Variants in CPE observed in about 807,000 individuals in gnomAD.
CPE encodes the protein carbocypeptidase E.
In CPE, 17 loss-of-function variants were observed where a neutral mutation model predicts 53.5. That is an observed-to-expected ratio of 0.32 (90% CI 0.22 to 0.48). CPE has a LOEUF of 0.48. Ranked by LOEUF, CPE falls within the 20% of genes least tolerant of loss-of-function variation. The probability of loss-of-function intolerance (pLI) is 0.99; values close to 1 mark genes in which losing one functional copy is unlikely to be tolerated. For synonymous variants in CPE, 226 were observed against 228.8 expected (o/e 0.99, Z 0.11); for missense variants, 524 against 614.7 (o/e 0.85, Z 1.56).
Position 165,379,410 on chromosome 4 carries a change from C to A in CPE, c.189C>A (p.Leu63=). 1 of 1,610,316 alleles carries A rather than the reference C, an allele frequency of 6.2e-7. No homozygotes were observed. The highest frequency in any genetic ancestry group is 8.5e-7 in the Non-Finnish European group (1 of 1,179,040). The change falls in exon 1 of 9, where the codon CTC becomes CTA. Residue 63 remains leucine (L), a synonymous_variant. Coordinates refer to ENST00000402744, the MANE Select transcript of CPE (RefSeq NM_001873.4). The surrounding 1 kb of genome is among the most constrained non-coding windows in gnomAD (Gnocchi z 6.0). Reference sequence around the variant, plus strand: ...GCTACCCCGAGCTGCGCGAGGCGCTCGTGTCCGTGTGGCTGCAGTGCACCG... The same window carrying A: ...GCTACCCCGAGCTGCGCGAGGCGCTAGTGTCCGTGTGGCTGCAGTGCACCG... The part of the protein sequence containing the change: ...YHRYPELREA[L]VSVWLQCTAI...
In CPE at chr4:165,408,338, G is replaced by A. The variant is rs150411595; in HGVS notation, c.307+28810G>A. On this transcript the variant is annotated intron_variant, in intron 1 of 8. Transcript: ENST00000402744. ...TCCATTTTGAGTTAACTTTTTTATC[G>A]GATAAGTAGAGGGTCCACTTTCCTT... Among the ~76,000 whole-genome samples the A allele has an allele frequency of 2.2e-3, 342 of 152,014 alleles. 2 individuals carry two copies. The highest frequency in any genetic ancestry group is 7.9e-3 in the African/African-American group (329 of 41,448).
At chr4:165,395,490 AT>A (rs1356267630) in intron 1 of CPE, among the ~76,000 whole-genome samples, 2 of 152,186 alleles carry the variant, frequency 1.3e-5, no homozygotes, top group Admixed American at 6.5e-5. Context: ...CGGCAGTTTT[AT>A]TAGCAGCCAT....
intron 1 of CPE, among the ~76,000 whole-genome samples, chr4:165,435,461 GTTA>G (rs1468460647): frequency 1.3e-5 from 2 of 152,082 alleles, no homozygotes; most frequent in African/African-American, 2.4e-5. Context: ...CATGTTATGG[GTTA>G]TTATATCATA....
intron 1 of CPE, among the ~76,000 whole-genome samples, chr4:165,414,884 A>G (rs1007173639): frequency 2.0e-5 from 3 of 152,058 alleles, no homozygotes; most frequent in Admixed American, 2.0e-4. Flanking sequence ...TTTGAAGTGA[A>G]CTTTAGTGAC....
chr4:165,454,113 A>G (rs1032309285), intron 1 of CPE, among the ~76,000 whole-genome samples: 2 of 152,190 alleles, frequency 1.3e-5, no homozygotes, highest in African/African-American at 4.8e-5. Context: ...AACTTGGCTC[A>G]CAAATTTCCT....
intron 1 of CPE, among the ~76,000 whole-genome samples, chr4:165,414,351 T>C (rs573560956): frequency 6.6e-6 from 1 of 152,322 alleles, no homozygotes; most frequent in South Asian, 2.1e-4. Context: ...AATAATCTTA[T>C]GATAAATAGG....
At chr4:165,473,954 G>A (rs894072771) in intron 3 of CPE, among the ~76,000 whole-genome samples, 4 of 152,234 alleles carry the variant, frequency 2.6e-5, no homozygotes, top group African/African-American at 9.6e-5. Context: ...GAGCCCTTTG[G>A]CCCTCAGGGC....
intron 1 of CPE, chr4:165,381,528 A>G (rs982294264): frequency 3.2e-6 from 1 of 310,974 alleles, no homozygotes; most frequent in Non-Finnish European, 6.3e-6. Context: ...GTGTTGTACA[A>G]TATGTACTTT....
intron 7 of CPE, among the ~76,000 whole-genome samples, chr4:165,494,323 A>G (rs961410237): frequency 5.9e-5 from 9 of 152,352 alleles, no homozygotes; most frequent in African/African-American, 2.2e-4. Context: ...AATGTTTAGG[A>G]AAATCTAACC....
intron 1 of CPE, among the ~76,000 whole-genome samples, chr4:165,448,514 C>T (rs1277086252): frequency 6.6e-6 from 1 of 152,072 alleles, no homozygotes; most frequent in Non-Finnish European, 1.5e-5. Context: ...TCTGTGTGGG[C>T]CCTAACGGGG....
intron 1 of CPE, among the ~76,000 whole-genome samples, chr4:165,392,303 T>C (rs893165017): frequency 6.8e-6 from 1 of 146,654 alleles, no homozygotes. Context: ...ATAATATATA[T>C]AATATATCAT....
intron 1 of CPE, among the ~76,000 whole-genome samples, chr4:165,440,524 A>G (rs1387287239): frequency 2.7e-5 from 4 of 149,356 alleles, no homozygotes; most frequent in African/African-American, 1.0e-4. Flanking sequence ...GAAAAATGCC[A>G]CTGATTTCAT....
chr4:165,462,030 T>C (rs1404990320), intron 1 of CPE, among the ~76,000 whole-genome samples: 1 of 152,260 alleles, frequency 6.6e-6, no homozygotes, highest in African/African-American at 2.4e-5. Flanking sequence ...AGCATTGTTA[T>C]TGTCATTAGT....
intron 3 of CPE, among the ~76,000 whole-genome samples, chr4:165,473,736 C>T (rs1732247321): frequency 6.7e-6 from 1 of 149,162 alleles, no homozygotes; most frequent in African/African-American, 2.5e-5. Flanking sequence ...GGAGGAGGTG[C>T]CATTTGCCCC....
At chr4:165,403,509 A>G (rs1251026802) in intron 1 of CPE, among the ~76,000 whole-genome samples, 2 of 152,196 alleles carry the variant, frequency 1.3e-5, no homozygotes, top group Non-Finnish European at 2.9e-5. Context: ...TTGGGGCCCC[A>G]GCTCTAAAAT....
intron 1 of CPE, among the ~76,000 whole-genome samples, chr4:165,423,631 ATTT>A (rs1267318420): frequency 1.3e-5 from 1 of 75,492 alleles, no homozygotes; most frequent in Non-Finnish European, 3.0e-5. Context: ...GATTCATTTT[ATTT>A]TATTTTATTT....
chr4:165,446,375 T>TAGA (rs968143664), intron 1 of CPE, among the ~76,000 whole-genome samples: 3 of 150,510 alleles, frequency 2.0e-5, no homozygotes, highest in African/African-American at 7.5e-5. Flanking sequence ...TTAAGAAACA[T>TAGA]AGAAACAACA....
At chr4:165,381,398 A>C (rs1030085165) in intron 1 of CPE, 2 of 440,174 alleles carry the variant, frequency 4.5e-6, no homozygotes, top group African/African-American at 4.1e-5. Context: ...CTGAATATGC[A>C]GTGTGGAAAA....
chr4:165,408,337 C>T (rs1006639343), intron 1 of CPE, among the ~76,000 whole-genome samples: 3 of 152,114 alleles, frequency 2.0e-5, no homozygotes, highest in East Asian at 1.9e-4. Flanking sequence ...ACTTTTTTAT[C>T]GGATAAGTAG....
Sources: allele counts gnomAD v4.1 joint callset (sites outside exome capture counted in the v4.1 genomes callset), GRCh38; gene constraint gnomAD v4.1.1; non-coding constraint Gnocchi (gnomAD v3.1); transcripts MANE v1.5; gene names NCBI Gene and HGNC (gene_info 2026-07-23, HGNC 2026-07-21).